The following ASIC2 variants were observed in gnomAD, a reference collection of about 807,000 sequenced individuals.
ASIC2 encodes acid sensing ion channel subunit 2.
Under a neutral mutation model 57.3 loss-of-function variants are expected in ASIC2, and 25 were observed. That is an observed-to-expected ratio of 0.44 (90% CI 0.32 to 0.61). The LOEUF is 0.61. Among genes scored for constraint, ASIC2 ranks in the 20% least tolerant of loss-of-function variants. The pLI is 0.06. For synonymous variants in ASIC2, 319 were observed against 307.5 expected (o/e 1.04, Z -0.39); for missense variants, 641 against 738.1 (o/e 0.87, Z 1.52).
At chr17:33,562,034 G>A (rs375533294) in intron 1 of ASIC2, among the ~76,000 whole-genome samples, 36 of 152,238 alleles carry the variant, frequency 2.4e-4, no homozygotes, top group Non-Finnish European at 4.0e-4. Flanking sequence ...GTTCCAATCC[G>A]GAGTGATGAA....
At chr17:33,670,135 T>C (rs1597829083) in intron 1 of ASIC2, among the ~76,000 whole-genome samples, 1 of 152,126 alleles carries the variant, frequency 6.6e-6, no homozygotes, top group Admixed American at 6.6e-5. Context: ...AAACAGAGAC[T>C]GGCAGCCTTG....
intron 1 of ASIC2, among the ~76,000 whole-genome samples, chr17:34,091,534 C>A (rs988883762): frequency 6.6e-6 from 1 of 152,230 alleles, no homozygotes; most frequent in Non-Finnish European, 1.5e-5. Context: ...TCCCTGGCAG[C>A]TCTGGCCCAT....
intron 1 of ASIC2, among the ~76,000 whole-genome samples, chr17:34,033,666 A>G (rs1325667272): frequency 1.3e-5 from 2 of 152,242 alleles, no homozygotes; most frequent in East Asian, 1.9e-4. Flanking sequence ...ACGCAATAAA[A>G]AATGATGAAG....
chr17:33,488,059 C>A (rs1913631608), intron 1 of ASIC2, among the ~76,000 whole-genome samples: 1 of 152,128 alleles, frequency 6.6e-6, no homozygotes, highest in Non-Finnish European at 1.5e-5. Flanking sequence ...TAATTCTGTC[C>A]CTCTAGAGAA....
rs763498266 is a variant in ASIC2 at position 33,021,244 on chromosome 17, C to G, written c.1416G>C (p.Lys472Asn). 5 of 1,613,244 alleles carry G rather than the reference C, an allele frequency of 3.1e-6. No individual in the cohort carries two copies. Among genetic ancestry groups the G allele is most frequent in the Non-Finnish European group, 4.2e-6 (5 of 1,179,932 alleles). Residue 472 changes from lysine (K) to asparagine (N), a missense_variant, in exon 7 of 10, where the codon AAG becomes AAC. Physicochemically the swap from Lys to Asn is moderately conservative, Grantham distance 94. Coordinates refer to ENST00000225823, the MANE Select transcript of ASIC2 (RefSeq NM_183377.2). ...CAAGTAAGGCAGCAACTTCATACGC[C>G]TTCTTCTGTTCAATTGTCTCATAAT... ...ALNYETIEQKKAYEVAALLGD... is the reference protein window; with the variant it reads ...ALNYETIEQKNAYEVAALLGD...
intron 1 of ASIC2, among the ~76,000 whole-genome samples, chr17:33,198,586 T>A (rs1352241327): frequency 1.3e-5 from 2 of 152,326 alleles, no homozygotes; most frequent in African/African-American, 2.4e-5. Flanking sequence ...GTAGCCTGAC[T>A]ACAACACTGC....
chr17:33,161,192 T>C (rs1442383895), intron 1 of ASIC2, among the ~76,000 whole-genome samples: 2 of 152,224 alleles, frequency 1.3e-5, no homozygotes, highest in East Asian at 3.9e-4. Context: ...CTAACATGCA[T>C]ACCTTAGTCT....
chr17:34,023,511 A>G (rs1907262963), intron 1 of ASIC2, among the ~76,000 whole-genome samples: 1 of 152,110 alleles, frequency 6.6e-6, no homozygotes, highest in African/African-American at 2.4e-5. Flanking sequence ...TGCCAATGTG[A>G]CAGTATTAAG....
At chr17:33,795,959 G>T (rs1302288398) in intron 1 of ASIC2, among the ~76,000 whole-genome samples, 1 of 152,230 alleles carries the variant, frequency 6.6e-6, no homozygotes, top group African/African-American at 2.4e-5. Context: ...AATACTTGTT[G>T]AATCTGGGAG....
At chr17:33,021,388 T>C (rs763321247) in intron 6 of ASIC2, 78 bp from the exon 7 acceptor site, 2 of 1,182,938 alleles carry the variant, frequency 1.7e-6, no homozygotes, top group Non-Finnish European at 1.2e-6. Context: ...AGCTTTCCCA[T>C]GGAAAGATGG....
At chr17:34,011,771 A>G (rs1567787320) in intron 1 of ASIC2, among the ~76,000 whole-genome samples, 1 of 151,722 alleles carries the variant, frequency 6.6e-6, no homozygotes, top group East Asian at 1.9e-4. Flanking sequence ...GTAGCATCTG[A>G]CCCCATGGCT....
intron 1 of ASIC2, among the ~76,000 whole-genome samples, chr17:33,882,175 A>T (rs1311864436): frequency 6.6e-6 from 1 of 152,244 alleles, no homozygotes; most frequent in Non-Finnish European, 1.5e-5. Context: ...AAACCTAGGC[A>T]TTACCATTCG....
At chr17:34,152,361 T>A (rs113998995) in intron 1 of ASIC2, among the ~76,000 whole-genome samples, 8 of 152,000 alleles carry the variant, frequency 5.3e-5, no homozygotes, top group Non-Finnish European at 1.2e-4. Context: ...AGAAAAAACA[T>A]AAAATAACCA....
chr17:33,135,299 C>A (rs1236788591), intron 1 of ASIC2, among the ~76,000 whole-genome samples: 1 of 152,156 alleles, frequency 6.6e-6, no homozygotes, highest in African/African-American at 2.4e-5. Flanking sequence ...TCCAGGAATA[C>A]CCTGCCTAGA....
At chr17:33,648,183 G>A (rs1252621857) in intron 1 of ASIC2, among the ~76,000 whole-genome samples, 3 of 152,198 alleles carry the variant, frequency 2.0e-5, no homozygotes, top group East Asian at 3.8e-4. Context: ...TCTGGTGGCA[G>A]CCACATGTAA....
intron 1 of ASIC2, among the ~76,000 whole-genome samples, chr17:33,391,622 T>A (rs1366265923): frequency 2.0e-5 from 3 of 152,222 alleles, no homozygotes; most frequent in Non-Finnish European, 1.5e-5. Flanking sequence ...GACCTTGAGT[T>A]GCACTCAATT....
At chr17:33,529,398 G>T (rs1024546907) in intron 1 of ASIC2, among the ~76,000 whole-genome samples, 2 of 152,174 alleles carry the variant, frequency 1.3e-5, no homozygotes, top group African/African-American at 4.8e-5. Context: ...GTTTCTTCAT[G>T]TGTGCTCCCT....
At chr17:33,921,138 A>C (rs1356490009) in intron 1 of ASIC2, among the ~76,000 whole-genome samples, 1 of 152,102 alleles carries the variant, frequency 6.6e-6, no homozygotes, top group East Asian at 1.9e-4. Context: ...CTCCCCACAG[A>C]GGGTTGAGGA....
At chr17:33,710,770 G>T (rs1056859989) in intron 1 of ASIC2, among the ~76,000 whole-genome samples, 1 of 152,194 alleles carries the variant, frequency 6.6e-6, no homozygotes, top group East Asian at 1.9e-4. Context: ...TGAGGAAATC[G>T]TACTAGAGCA....
Sources: allele counts gnomAD v4.1 joint callset (sites outside exome capture counted in the v4.1 genomes callset), GRCh38; gene constraint gnomAD v4.1.1; transcripts MANE v1.5; gene names NCBI Gene and HGNC (gene_info 2026-07-23, HGNC 2026-07-21).